The following WFDC6 variants were observed in gnomAD, a reference collection of about 807,000 sequenced individuals.
WFDC6 encodes WAP four-disulfide core domain 6.
Under a neutral mutation model 8.2 loss-of-function variants are expected in WFDC6, and 10 were observed. The ratio of observed to expected loss-of-function variants is 1.22; its 90% CI spans 0.75 to 2.07. WFDC6 has a LOEUF of 2.07. Ranked by LOEUF, WFDC6 falls within the 30% of genes most tolerant of loss-of-function variation. The pLI is 0.00. For missense variants in WFDC6, 105 were observed against 104.9 expected (o/e 1.00, Z 0.00); for synonymous variants, 28 against 37.0 (o/e 0.76, Z 0.88).
intron 2 of WFDC6, among the ~76,000 whole-genome samples, chr20:45,535,632 C>G (rs1020917883): frequency 6.6e-6 from 1 of 152,216 alleles, no homozygotes; most frequent in Non-Finnish European, 1.5e-5. Context: ...AACACTAAAT[C>G]TGGCTGATTT....
At chr20:45,534,958 C>G (rs1212268158) in intron 2 of WFDC6, among the ~76,000 whole-genome samples, 1 of 152,226 alleles carries the variant, frequency 6.6e-6, no homozygotes, top group Non-Finnish European at 1.5e-5. Context: ...ACACCCACTA[C>G]TCACCTCATA....
Position 45,534,358 on chromosome 20 carries a change from C to T in WFDC6, c.*109G>A, listed in dbSNP as rs1180917671. 1 of 1,296,792 alleles carries T rather than the reference C, an allele frequency of 7.7e-7. No homozygotes were observed. The highest frequency in any genetic ancestry group is 1.5e-5 in the African/African-American group (1 of 68,410). The allele number at this position is 1,296,792 out of a possible 1,614,324, so 80.3% of individuals were successfully genotyped here. ...CTGGAAGAAAGTGTGTAAGCAATTC[C>T]TGGGGTTCAGTTTCTGGAACAGCCA... On this transcript the variant is annotated 3_prime_UTR_variant, in exon 3 of 3. Coordinates refer to ENST00000372670, the MANE Select transcript of WFDC6 (RefSeq NM_080827.2).
chr20:45,537,675 A>G (rs906196747), intron 2 of WFDC6: 11 of 1,166,596 alleles, frequency 9.4e-6, no homozygotes, highest in Non-Finnish European at 1.1e-5. Context: ...ATCACTGAAG[A>G]GTAGCCAAGA....
intron 2 of WFDC6, among the ~76,000 whole-genome samples, chr20:45,535,879 G>T (rs1320027239): frequency 6.6e-6 from 1 of 152,040 alleles, no homozygotes; most frequent in Non-Finnish European, 1.5e-5. Flanking sequence ...TTCTTATGCT[G>T]CCCCAACACC....
At chr20:45,535,436 A>T in intron 2 of WFDC6, 1 of 1,176,370 alleles carries the variant, frequency 8.5e-7, no homozygotes, top group Non-Finnish European at 1.1e-6. Flanking sequence ...CTGAGAAGCA[A>T]ATTTGCCTCA....
intron 1 of WFDC6, among the ~76,000 whole-genome samples, chr20:45,538,788 G>A (rs1232783662): frequency 1.3e-5 from 2 of 152,194 alleles, no homozygotes; most frequent in Admixed American, 6.5e-5. Context: ...AGCCAGGTTT[G>A]AACCTACAAT....
chr20:45,534,766 A>G (rs1261502328), intron 2 of WFDC6, among the ~76,000 whole-genome samples: 14 of 152,214 alleles, frequency 9.2e-5, no homozygotes, highest in South Asian at 2.1e-4. Flanking sequence ...GGTTTGGCCA[A>G]TAAAGTATGT....
At position 45,534,201 on chromosome 20, in the gene WFDC6, C is replaced by T; in HGVS notation, c.*266G>A. On this transcript the variant is annotated 3_prime_UTR_variant, in exon 3 of 3. Transcript: ENST00000372670. ...ATTATTCAGCCTCGGAGAGATCGGA[C>T]CCCACAGAGCACTTTATTAAGGCAA... 1 of 526,646 alleles carries T rather than the reference C, an allele frequency of 1.9e-6. No homozygotes were observed. Among genetic ancestry groups the T allele is most frequent in the Non-Finnish European group, 3.4e-6 (1 of 292,296 alleles). 32.6% of individuals were successfully genotyped at this position (526,646 alleles called of 1,614,324 possible). A position where few individuals can be genotyped will look rare whatever the true frequency, so the allele number is the denominator to read the frequency against.
chr20:45,539,202 G>A, intron 1 of WFDC6, 115 bp downstream of exon 1: 1 of 1,019,172 alleles, frequency 9.8e-7, no homozygotes, highest in Non-Finnish European at 1.5e-6. Context: ...TTTCCCACCT[G>A]GAATTCCAGG....
intron 2 of WFDC6, among the ~76,000 whole-genome samples, chr20:45,536,067 T>C (rs1017935547): frequency 8.5e-5 from 13 of 152,222 alleles, no homozygotes; most frequent in African/African-American, 3.1e-4. Flanking sequence ...ACTCTTTGCT[T>C]TTCTTCGTTG....
intron 2 of WFDC6, chr20:45,537,283 C>G (rs1979402404): frequency 1.8e-6 from 1 of 544,100 alleles, no homozygotes; most frequent in Middle Eastern, 4.4e-4. Flanking sequence ...GCTATTTCTT[C>G]CCATTTTTGG....
chr20:45,536,292 A>C (rs1979363268), intron 2 of WFDC6, among the ~76,000 whole-genome samples: 1 of 151,764 alleles, frequency 6.6e-6, no homozygotes, highest in South Asian at 2.1e-4. Flanking sequence ...CCCTGATCTT[A>C]AGCATTTATT....
At chr20:45,535,485 A>AT (rs751170062) in intron 2 of WFDC6, among the ~76,000 whole-genome samples, 11 of 151,990 alleles carry the variant, frequency 7.2e-5, no homozygotes, top group Non-Finnish European at 1.5e-4. Flanking sequence ...CTGACCACTC[A>AT]TTTTACCTCT....
chr20:45,536,173 T>A (rs74786612), intron 2 of WFDC6, among the ~76,000 whole-genome samples: 2 of 152,108 alleles, frequency 1.3e-5, no homozygotes, highest in African/African-American at 4.8e-5. Flanking sequence ...TGAGAGGGGA[T>A]TGCATCTTAT....
chr20:45,535,243 G>A lies in WFDC6; in HGVS notation c.223-738C>T, dbSNP rs562669712. On this transcript the variant is annotated intron_variant, in intron 2 of 2. Coordinates refer to ENST00000372670, the MANE Select transcript of WFDC6 (RefSeq NM_080827.2). ...CCTGGCTACCGCCATAGATGAATTC[G>A]GAGCAGATCTTAGTTTTTTTTATTG... The A allele has an allele frequency of 2.9e-5, 38 of 1,304,220 alleles. No individual in the cohort carries two copies. The South Asian group carries it at 3.2e-4, about 11-fold the overall frequency. The allele number at this position is 1,304,220 out of a possible 1,614,324, so 80.8% of individuals were successfully genotyped here.
chr20:45,537,448 T>C (rs2145543354), intron 2 of WFDC6: 2 of 1,302,024 alleles, frequency 1.5e-6, no homozygotes, highest in Non-Finnish European at 2.2e-6. Flanking sequence ...GAATGGTCCT[T>C]GATGATCTTC....
chr20:45,537,563 G>A, intron 2 of WFDC6: 1 of 1,549,788 alleles, frequency 6.5e-7, no homozygotes, highest in South Asian at 1.2e-5. Context: ...AGAGAAAAAA[G>A]CCAGGAAATA....
At chr20:45,537,896 G>A (rs75990618) in intron 2 of WFDC6, 68 bp downstream of exon 2, 8 of 1,609,348 alleles carry the variant, frequency 5.0e-6, no homozygotes, top group Non-Finnish European at 6.8e-6. Context: ...CTAGGAGACA[G>A]AGGTAGTGCA....
chr20:45,539,290 T>G lies in WFDC6; in HGVS notation c.91+27A>C, dbSNP rs200741301. On this transcript the variant is annotated intron_variant, in intron 1 of 2. Coordinates refer to ENST00000372670, the MANE Select transcript of WFDC6 (RefSeq NM_080827.2). ...TCCCCACTGAGTTTCCTTTCCCCAT[T>G]GCAAGGACGGAGTTCCCAATACTTA... 1,410 of 1,606,472 alleles carry G rather than the reference T, an allele frequency of 8.8e-4. 15 individuals carry two copies. The South Asian group carries it at 9.5e-3, about 11-fold the overall frequency.
Sources: allele counts gnomAD v4.1 joint callset (sites outside exome capture counted in the v4.1 genomes callset), GRCh38; gene constraint gnomAD v4.1.1; transcripts MANE v1.5; gene names NCBI Gene and HGNC (gene_info 2026-07-23, HGNC 2026-07-21).